The following SORCS1 variants were observed in gnomAD, a reference collection of about 807,000 sequenced individuals.
SORCS1 encodes the protein VPS10 domain-containing receptor SorCS1.
In SORCS1, 60 loss-of-function variants were observed where a neutral mutation model predicts 146.1. That is an observed-to-expected ratio of 0.41 (90% CI 0.33 to 0.51). The LOEUF (loss-of-function observed/expected upper bound fraction) is 0.51. Ranked by LOEUF, SORCS1 falls within the 20% of genes least tolerant of loss-of-function variation. The pLI is 0.21. For synonymous variants in SORCS1, 637 were observed against 584.0 expected, an observed-to-expected ratio of 1.09 and a Z score of -1.31; for missense variants, 1,352 against 1,487.6, an observed-to-expected ratio of 0.91 and a Z score of 1.50.
At chr10:106,604,161 A>G (rs920599693) in intron 23 of SORCS1, among the ~76,000 whole-genome samples, 1 of 152,178 alleles carries the variant, frequency 6.6e-6, no homozygotes, top group Non-Finnish European at 1.5e-5. Context: ...AGGAAAACAG[A>G]CGGAGAGAGA....
intron 6 of SORCS1, among the ~76,000 whole-genome samples, chr10:106,728,878 T>C (rs373615454): frequency 1.5e-3 from 229 of 152,324 alleles, no homozygotes; most frequent in African/African-American, 5.1e-3. Flanking sequence ...TCTGTGGTAA[T>C]TGTGGATAGT....
intron 1 of SORCS1, among the ~76,000 whole-genome samples, chr10:107,040,413 A>G (rs1191629225): frequency 6.6e-6 from 1 of 152,200 alleles, no homozygotes; most frequent in African/African-American, 2.4e-5. Context: ...TCCAAGTCAC[A>G]TATCCAGAAC....
At chr10:106,825,365 A>C (rs558697280) in intron 3 of SORCS1, among the ~76,000 whole-genome samples, 1 of 141,924 alleles carries the variant, frequency 7.0e-6, no homozygotes, top group Non-Finnish European at 1.5e-5. Flanking sequence ...TCCGTCTCCC[A>C]GGTTCACGCC....
intron 1 of SORCS1, among the ~76,000 whole-genome samples, chr10:107,079,356 G>T (rs1963150297): frequency 6.6e-6 from 1 of 152,128 alleles, no homozygotes; most frequent in South Asian, 2.1e-4. Context: ...ACCCTTTCTG[G>T]AATTAGGCCA....
At chr10:106,901,434 T>C (rs1951695235) in intron 2 of SORCS1, among the ~76,000 whole-genome samples, 1 of 152,188 alleles carries the variant, frequency 6.6e-6, no homozygotes, top group Admixed American at 6.5e-5. Context: ...TGCAGTTTTT[T>C]GGTTTTGTTT....
intron 1 of SORCS1, among the ~76,000 whole-genome samples, chr10:107,033,717 C>A (rs749790265): frequency 3.3e-5 from 5 of 152,160 alleles, no homozygotes; most frequent in Non-Finnish European, 7.3e-5. Context: ...AAGAAAGCGG[C>A]TAGAGTTTAG....
At chr10:107,077,391 T>A (rs186128747) in intron 1 of SORCS1, among the ~76,000 whole-genome samples, 1 of 152,128 alleles carries the variant, frequency 6.6e-6, no homozygotes, top group Non-Finnish European at 1.5e-5. Context: ...GCTATTCTTA[T>A]AAAACTGCTA....
At chr10:106,705,703 C>T (rs546601424) in intron 8 of SORCS1, among the ~76,000 whole-genome samples, 3 of 152,150 alleles carry the variant, frequency 2.0e-5, no homozygotes, top group Admixed American at 6.5e-5. Flanking sequence ...AAATACATCA[C>T]GATGGCAGCA....
intron 2 of SORCS1, among the ~76,000 whole-genome samples, chr10:106,920,421 G>C (rs1952657007): frequency 6.6e-6 from 1 of 152,064 alleles, no homozygotes; most frequent in Non-Finnish European, 1.5e-5. Context: ...CACACGCATG[G>C]TCTTAATTTC....
At chr10:106,980,864 A>C (rs141368767) in intron 1 of SORCS1, among the ~76,000 whole-genome samples, 80 of 152,316 alleles carry the variant, frequency 5.3e-4, no homozygotes, top group Admixed American at 3.7e-3. Flanking sequence ...GTGGAGAATT[A>C]TAACTGTTAA....
intron 1 of SORCS1, among the ~76,000 whole-genome samples, chr10:107,024,533 A>C (rs1482659277): frequency 6.6e-6 from 1 of 152,174 alleles, no homozygotes; most frequent in Non-Finnish European, 1.5e-5. Context: ...GCGGCACTGG[A>C]ATTTGGTAGA....
chr10:106,624,361 T>C, intron 19 of SORCS1, among the ~76,000 whole-genome samples: 1 of 130,416 alleles, frequency 7.7e-6, no homozygotes, highest in Non-Finnish European at 1.6e-5. Flanking sequence ...TTTTTTTTTT[T>C]TTTTTTTTTT....
rs1211731524 is a variant in SORCS1 at position 106,792,631 on chromosome 10, G to A, written c.727-15939C>T. On this transcript the variant is annotated intron_variant, in intron 3 of 25. Coordinates refer to ENST00000263054, the MANE Select transcript of SORCS1 (RefSeq NM_052918.5). ...CCAGGACTGCATCTTAACCATTAGA[G>A]CACATAATAAGCAGGTCTTCGTAAG... Among the ~76,000 whole-genome samples, 9 of 152,288 alleles carry A rather than the reference G, an allele frequency of 5.9e-5. No individual in the cohort carries two copies. The East Asian group carries it at 1.5e-3, about 26-fold the overall frequency.
intron 2 of SORCS1, among the ~76,000 whole-genome samples, chr10:106,885,509 T>C (rs1374153715): frequency 6.6e-6 from 1 of 152,214 alleles, no homozygotes; most frequent in Non-Finnish European, 1.5e-5. Flanking sequence ...TGGCAGGTCT[T>C]ACAAGAACTC....
In SORCS1 at chr10:107,164,663, G is replaced by A. The variant is rs1167251700; in HGVS notation, c.-137C>T. ...TGCGCCGCGGTGGGGGCGGGCGGAG[G>A]CGGCGCCGGGCAGGTGGCGGCCGCT... On this transcript the variant is annotated 5_prime_UTR_variant, in exon 1 of 26. Transcript: ENST00000263054. The surrounding 1 kb of genome is among the most constrained non-coding windows in gnomAD (Gnocchi z 6.8). 1 of 665,402 alleles carries A rather than the reference G, an allele frequency of 1.5e-6. No individual in the cohort carries two copies. The highest frequency in any genetic ancestry group is 3.5e-5 in the East Asian group (1 of 28,474). The allele number at this position is 665,402 out of a possible 1,614,324, so 41.2% of individuals were successfully genotyped here. A position where few individuals can be genotyped will look rare whatever the true frequency, so the allele number is the denominator to read the frequency against.
At chr10:106,782,506 T>C (rs1170583299) in intron 3 of SORCS1, among the ~76,000 whole-genome samples, 4 of 152,226 alleles carry the variant, frequency 2.6e-5, no homozygotes, top group Admixed American at 2.6e-4. Flanking sequence ...AACCCATTAA[T>C]TATTATTTGT....
intron 24 of SORCS1, among the ~76,000 whole-genome samples, chr10:106,588,971 C>G (rs1004004205): frequency 2.0e-5 from 3 of 150,866 alleles, no homozygotes; most frequent in Admixed American, 2.0e-4. Context: ...ATAAAGCTTC[C>G]TAAGTTAATT....
intron 1 of SORCS1, among the ~76,000 whole-genome samples, chr10:107,139,661 G>T (rs576424538): frequency 2.4e-4 from 36 of 152,282 alleles, no homozygotes; most frequent in Middle Eastern, 3.4e-3. Context: ...ATCACCAAAT[G>T]GCTGCTATGA....
intron 1 of SORCS1, among the ~76,000 whole-genome samples, chr10:107,144,120 T>C (rs1419845428): frequency 6.6e-6 from 1 of 152,208 alleles, no homozygotes; most frequent in Non-Finnish European, 1.5e-5. Flanking sequence ...TGTTTTCATC[T>C]GGAAAATCCT....
Sources: gnomAD v4.1 joint callset for allele counts (sites outside exome capture counted in the v4.1 genomes callset) on GRCh38, gnomAD v4.1.1 for gene constraint, Gnocchi (gnomAD v3.1) non-coding constraint, MANE v1.5 for transcripts, NCBI Gene and HGNC (gene_info 2026-07-23, HGNC 2026-07-21) for gene names.